SHQ1: variants seen among roughly 807,000 people sequenced by gnomAD.
SHQ1 encodes SHQ1, H/ACA ribonucleoprotein assembly factor.
In SHQ1, 49 loss-of-function variants were observed where a neutral mutation model predicts 53.8. That is an observed-to-expected ratio of 0.91 (90% CI 0.72 to 1.16). The LOEUF (loss-of-function observed/expected upper bound fraction) is 1.16. Among genes scored for constraint, SHQ1 ranks in the 50% most tolerant of loss-of-function variants. The pLI, the probability that SHQ1 is intolerant of heterozygous loss-of-function variation, is 0.00. For missense variants in SHQ1, 738 were observed against 683.1 expected (o/e 1.08, Z -0.90); for synonymous variants, 243 against 251.0 (o/e 0.97, Z 0.30).
At chr3:72,832,559 C>A in intron 4 of SHQ1, 78 bp from the exon 5 acceptor site, 1 of 983,256 alleles carries the variant, frequency 1.0e-6, no homozygotes, top group Non-Finnish European at 1.6e-6. Context: ...ATACAAAATG[C>A]CAAAGCACAG....
At chr3:72,844,228 C>T (rs2106973754) in intron 2 of SHQ1, 131 bp downstream of exon 2, 2 of 727,582 alleles carry the variant, frequency 2.7e-6, no homozygotes, top group Admixed American at 5.5e-5. Context: ...CACTAAGAAA[C>T]AAGAAAGAGT....
the SHQ1 span, among the ~76,000 whole-genome samples, chr3:72,726,727 G>A: frequency 6.6e-6 from 1 of 152,170 alleles, no homozygotes; most frequent in Non-Finnish European, 1.5e-5. Flanking sequence ...CTCATCTGAT[G>A]AGGACCATGA....
chr3:72,727,206 G>A, the SHQ1 span, among the ~76,000 whole-genome samples: 9 of 152,118 alleles, frequency 5.9e-5, no homozygotes, highest in South Asian at 1.5e-3. Flanking sequence ...CAGCTTTGTT[G>A]GGGACAATGC....
At chr3:72,835,755 A>G (rs1168909019) in intron 4 of SHQ1, among the ~76,000 whole-genome samples, 1 of 152,216 alleles carries the variant, frequency 6.6e-6, no homozygotes, top group African/African-American at 2.4e-5. Context: ...GATAACGTCA[A>G]TCAATTCCAA....
chr3:72,767,989 T>G (rs1270902150), intron 10 of SHQ1, among the ~76,000 whole-genome samples: 1 of 151,874 alleles, frequency 6.6e-6, no homozygotes, highest in African/African-American at 2.4e-5. Context: ...GTCTGGGTGG[T>G]TTTTTTTCTT....
At chr3:72,821,754 G>A (rs1438873966) in intron 6 of SHQ1, among the ~76,000 whole-genome samples, 1 of 152,212 alleles carries the variant, frequency 6.6e-6, no homozygotes, top group Non-Finnish European at 1.5e-5. Flanking sequence ...AAAAGGTACA[G>A]CAGCATGCAC....
intron 10 of SHQ1, among the ~76,000 whole-genome samples, chr3:72,783,600 C>T (rs1706138110): frequency 6.6e-6 from 1 of 152,138 alleles, no homozygotes; most frequent in Non-Finnish European, 1.5e-5. Context: ...AGGCATGAGC[C>T]AGCATGCCCA....
intron 10 of SHQ1, among the ~76,000 whole-genome samples, chr3:72,788,755 A>T (rs1706337547): frequency 1.3e-5 from 2 of 152,208 alleles, no homozygotes. Flanking sequence ...CTGCCTTGGG[A>T]TGCTGTTAAT....
At chr3:72,798,059 T>C (rs1229592170) in intron 9 of SHQ1, among the ~76,000 whole-genome samples, 1 of 152,208 alleles carries the variant, frequency 6.6e-6, no homozygotes, top group African/African-American at 2.4e-5. Context: ...TGGGGATCTA[T>C]CCAGTCGTGG....
chr3:72,827,806 G>A (rs941640287), intron 5 of SHQ1, among the ~76,000 whole-genome samples: 21 of 143,818 alleles, frequency 1.5e-4, no homozygotes, highest in African/African-American at 3.7e-4. Flanking sequence ...CCAGGCTGGA[G>A]TGCAGTGGCG....
rs1233960623 is a variant in SHQ1 at position 72,749,429 on chromosome 3, C to A, written c.*855G>T. 4.5e-6 allele frequency: 1 copy of A among 221,260 alleles called. No individual in the cohort carries two copies. The highest frequency in any genetic ancestry group is 9.1e-6 in the Non-Finnish European group (1 of 110,422). 13.7% of individuals were successfully genotyped at this position (221,260 alleles called of 1,614,324 possible). On this transcript the variant is annotated 3_prime_UTR_variant, in exon 11 of 11. Coordinates refer to ENST00000325599, the MANE Select transcript of SHQ1 (RefSeq NM_018130.3). ...AACAAAAACTCGTGACACATGCTAC[C>A]ACATGGATGAATCTCAAAATAACTA...
At chr3:72,770,784 AG>A (rs1705830074) in intron 10 of SHQ1, among the ~76,000 whole-genome samples, 1 of 152,210 alleles carries the variant, frequency 6.6e-6, no homozygotes, top group Non-Finnish European at 1.5e-5. Flanking sequence ...GAAAAGAAGG[AG>A]GAAAGTGATG....
At chr3:72,778,997 G>C (rs2106753725) in intron 10 of SHQ1, among the ~76,000 whole-genome samples, 1 of 152,210 alleles carries the variant, frequency 6.6e-6, no homozygotes, top group East Asian at 1.9e-4. Context: ...CCTCATAAGG[G>C]CATTATTAAT....
chr3:72,750,104 G>A lies in SHQ1; in HGVS notation c.*180C>T, dbSNP rs1428727654. 6.7e-6 allele frequency: 4 copies of A among 598,862 alleles called. No individual in the cohort carries two copies. The East Asian group carries it at 8.4e-5, about 13-fold the overall frequency. 37.1% of individuals were successfully genotyped at this position (598,862 alleles called of 1,614,324 possible). A position where few individuals can be genotyped will look rare whatever the true frequency, so the allele number is the denominator to read the frequency against. On this transcript the variant is annotated 3_prime_UTR_variant, in exon 11 of 11. Transcript: ENST00000325599. ...AAGTCTGTACATGTTTGGTACAGAT[G>A]CGATTTTTTCTTCAATATTTTTGAT...
At chr3:72,786,009 T>G (rs1335296102) in intron 10 of SHQ1, among the ~76,000 whole-genome samples, 1 of 152,208 alleles carries the variant, frequency 6.6e-6, no homozygotes, top group East Asian at 1.9e-4. Context: ...TTCATTACTA[T>G]TTAATCTTGG....
chr3:72,796,767 CAG>C (rs1175189975), intron 9 of SHQ1, among the ~76,000 whole-genome samples: 1 of 151,934 alleles, frequency 6.6e-6, no homozygotes, highest in Non-Finnish European at 1.5e-5. Context: ...TTGCAGTGAG[CAG>C]AGATCACACC....
intron 9 of SHQ1, among the ~76,000 whole-genome samples, chr3:72,805,900 T>A (rs570551213): frequency 6.6e-6 from 1 of 152,322 alleles, no homozygotes; most frequent in East Asian, 1.9e-4. Flanking sequence ...GAACCAAGAA[T>A]GTTTTATACA....
intron 10 of SHQ1, among the ~76,000 whole-genome samples, chr3:72,789,745 C>G (rs1386886175): frequency 3.3e-5 from 5 of 152,172 alleles, no homozygotes; most frequent in African/African-American, 9.7e-5. Flanking sequence ...GAAAGAGATA[C>G]ACATCTAGAT....
At chr3:72,811,038 T>C (rs556765149) in intron 9 of SHQ1, among the ~76,000 whole-genome samples, 1 of 152,238 alleles carries the variant, frequency 6.6e-6, no homozygotes, top group Non-Finnish European at 1.5e-5. Context: ...AACTGGGTAA[T>C]TGATTCCTGT....
Sources: gnomAD v4.1 joint callset for allele counts (sites outside exome capture counted in the v4.1 genomes callset) on GRCh38, gnomAD v4.1.1 for gene constraint, MANE v1.5 for transcripts, NCBI Gene and HGNC (gene_info 2026-07-23, HGNC 2026-07-21) for gene names.